The following XKR6 variants were observed in gnomAD, a reference collection of about 807,000 sequenced individuals.
XKR6 encodes the protein XK-related protein 6.
XKR6 carries 22 observed loss-of-function variants against 56.7 expected under a neutral mutation model. That is an observed-to-expected ratio of 0.39 (90% CI 0.28 to 0.55). XKR6 has a LOEUF of 0.55. XKR6 is among the 20% of genes least tolerant of loss of function. XKR6 has a pLI of 0.66. For synonymous variants in XKR6, 524 were observed against 387.8 expected (o/e 1.35, Z -4.13); for missense variants, 852 against 889.0 (o/e 0.96, Z 0.53).
intron 1 of XKR6, among the ~76,000 whole-genome samples, chr8:10,933,713 A>T (rs1465915250): frequency 6.7e-6 from 1 of 148,994 alleles, no homozygotes; most frequent in Non-Finnish European, 1.5e-5. Context: ...GTTGTAGGTA[A>T]GCGGCGTTAT....
At position 11,191,286 on chromosome 8, in the gene XKR6, A is replaced by G. The variant is rs11992161; in HGVS notation, c.764+9290T>C. Among the ~76,000 whole-genome samples the G allele has an allele frequency of 8.7e-3, 1,326 of 152,336 alleles. 17 individuals are homozygous for G. The highest frequency in any genetic ancestry group is 0.028 in the African/African-American group (1,174 of 41,554). ...ACCAACAACAACTACTTAATAATTG[A>G]TTCCGGCAAGGATTCCCAAAAGACA... On this transcript the variant is annotated intron_variant, in intron 1 of 2. Coordinates refer to ENST00000416569, the MANE Select transcript of XKR6 (RefSeq NM_173683.4).
At chr8:10,985,119 A>G (rs1307459201) in intron 1 of XKR6, among the ~76,000 whole-genome samples, 1 of 151,712 alleles carries the variant, frequency 6.6e-6, no homozygotes. Flanking sequence ...TTCTTTTTCT[A>G]TTTTTTGTGG....
intron 1 of XKR6, among the ~76,000 whole-genome samples, chr8:11,068,012 A>C (rs1800024745): frequency 2.6e-5 from 4 of 152,150 alleles, no homozygotes; most frequent in Admixed American, 2.6e-4. Context: ...CTAGATTCTG[A>C]GCTCCCTGGG....
rs1431495831 is a variant in XKR6, at chr8:10,898,541, T to A, written c.1337A>T (p.Tyr446Phe). The A allele has an allele frequency of 6.2e-7, 1 of 1,614,156 alleles. No individual in the cohort carries two copies. The highest frequency in any genetic ancestry group is 8.5e-7 in the Non-Finnish European group (1 of 1,180,020). ...GRTRYRMFAYYTIVLTENAAL... is the reference protein window; with the variant it reads ...GRTRYRMFAYFTIVLTENAAL... ...AGCATTCTCGGTCAAGACTATCGTATAATATGCAAACATTCGATATCGAGT... is the reference window on the plus strand; with the variant it reads ...AGCATTCTCGGTCAAGACTATCGTAAAATATGCAAACATTCGATATCGAGT... Residue 446 changes from tyrosine (Y) to phenylalanine (F), a missense_variant, in exon 3 of 3, where the codon TAT (tyrosine) becomes TTT (phenylalanine). Physicochemically the swap from Tyr to Phe is conservative, Grantham distance 22. This residue lies in a region of XKR6 where 199 missense variants were observed against 280.4 expected (regional missense o/e 0.71). Transcript: ENST00000416569. This position sits in a 1 kb window ranked among gnomAD's most constrained non-coding sequence, Gnocchi z 6.6.
intron 1 of XKR6, chr8:11,035,422 T>G: frequency 8.1e-6 from 4 of 491,954 alleles, no homozygotes; most frequent in South Asian, 1.5e-5. Context: ...GAGAGAAGAT[T>G]AAGGCCAAAT....
intron 1 of XKR6, among the ~76,000 whole-genome samples, chr8:11,122,108 C>G (rs1173034592): frequency 2.0e-5 from 3 of 152,230 alleles, no homozygotes; most frequent in Admixed American, 6.5e-5. Context: ...ATCCCAGACA[C>G]AAGGCCAATC....
At chr8:11,018,671 T>C (rs1285473871) in intron 1 of XKR6, among the ~76,000 whole-genome samples, 1 of 152,192 alleles carries the variant, frequency 6.6e-6, no homozygotes, top group African/African-American at 2.4e-5. Context: ...AATGTTGTCT[T>C]TCTCAGCAAA....
chr8:11,122,773 G>C (rs546909422), intron 1 of XKR6, among the ~76,000 whole-genome samples: 20 of 152,196 alleles, frequency 1.3e-4, no homozygotes, highest in Admixed American at 5.9e-4. Flanking sequence ...TTTATTTTGA[G>C]GGCAGATTGA....
chr8:11,144,664 A>G (rs1800887984), intron 1 of XKR6, among the ~76,000 whole-genome samples: 1 of 151,854 alleles, frequency 6.6e-6, no homozygotes, highest in Non-Finnish European at 1.5e-5. Context: ...CCAGGTATAG[A>G]CCCAAGTATA....
intron 1 of XKR6, among the ~76,000 whole-genome samples, chr8:10,995,385 G>GAT (rs1450037558): frequency 6.8e-6 from 1 of 146,436 alleles, no homozygotes; most frequent in East Asian, 2.0e-4. Flanking sequence ...ATATGTATAT[G>GAT]ATATATATAG....
At chr8:10,954,335 T>A (rs1472105715) in intron 1 of XKR6, among the ~76,000 whole-genome samples, 20 of 152,238 alleles carry the variant, frequency 1.3e-4, no homozygotes, top group Non-Finnish European at 4.4e-5. Flanking sequence ...CTTGTTATTG[T>A]CTTTTTGTTT....
At chr8:11,037,641 C>T (rs751985356) in intron 1 of XKR6, among the ~76,000 whole-genome samples, 3 of 152,186 alleles carry the variant, frequency 2.0e-5, no homozygotes, top group Admixed American at 6.5e-5. Flanking sequence ...CAGTGGATCA[C>T]GAGGTCAAGA....
chr8:11,182,787 T>C (rs1025569893), intron 1 of XKR6, among the ~76,000 whole-genome samples: 2 of 152,238 alleles, frequency 1.3e-5, no homozygotes, highest in Non-Finnish European at 2.9e-5. Context: ...TGGCATTAAA[T>C]ACATTCACAA....
At chr8:11,059,364 C>T (rs908171069) in intron 1 of XKR6, among the ~76,000 whole-genome samples, 1 of 152,336 alleles carries the variant, frequency 6.6e-6, no homozygotes, top group Admixed American at 6.5e-5. Context: ...CTTGCGTTTT[C>T]CCTCTCCAGC....
chr8:11,020,774 A>C (rs1404260864), intron 1 of XKR6, among the ~76,000 whole-genome samples: 1 of 152,180 alleles, frequency 6.6e-6, no homozygotes, highest in African/African-American at 2.4e-5. Context: ...TCCTTACTGA[A>C]GTATGCTTCC....
chr8:11,171,790 C>G (rs569123891), intron 1 of XKR6, among the ~76,000 whole-genome samples: 1 of 151,822 alleles, frequency 6.6e-6, no homozygotes, highest in Non-Finnish European at 1.5e-5. Flanking sequence ...CAGTGACTCA[C>G]GCCTGTAATC....
At chr8:11,089,787 C>T (rs1239920592) in intron 1 of XKR6, among the ~76,000 whole-genome samples, 1 of 152,144 alleles carries the variant, frequency 6.6e-6, no homozygotes, top group African/African-American at 2.4e-5. Context: ...TGCAGTAAAA[C>T]CTGTCTTCTC....
At chr8:11,113,133 C>T (rs536246760) in intron 1 of XKR6, among the ~76,000 whole-genome samples, 1 of 152,276 alleles carries the variant, frequency 6.6e-6, no homozygotes, top group South Asian at 2.1e-4. Flanking sequence ...TTAGGCTAAA[C>T]ATAAGTAAAT....
In XKR6 at chr8:10,979,921, C is replaced by T. The variant is rs149706159; in HGVS notation, c.765-55091G>A. On this transcript the variant is annotated intron_variant, in intron 1 of 2. Coordinates refer to ENST00000416569, the MANE Select transcript of XKR6 (RefSeq NM_173683.4). ...GGACTTATAAGGACATCTATTGTGA[C>T]CCCAAGGGAAGAGTCAACAGGCAGG... 6.1e-4 allele frequency among the ~76,000 whole-genome samples: 93 copies of T among 152,310 alleles called. 1 individual carries two copies. The East Asian group carries it at 0.016, about 27-fold the overall frequency.
Sources: allele counts gnomAD v4.1 joint callset (sites outside exome capture counted in the v4.1 genomes callset), GRCh38; gene constraint gnomAD v4.1.1; regional missense constraint gnomAD v4.1.1; non-coding constraint Gnocchi (gnomAD v3.1); transcripts MANE v1.5; gene names NCBI Gene and HGNC (gene_info 2026-07-23, HGNC 2026-07-21).